The following SATB2 variants were observed in gnomAD, a reference collection of about 807,000 sequenced individuals.
The protein encoded by SATB2 is SATB homeobox 2, also known as DNA-binding protein SATB2.
SATB2 carries 1 observed loss-of-function variant against 73.4 expected under a neutral mutation model. That is an observed-to-expected ratio of 0.01 (90% CI 0.00 to 0.06). SATB2 has a LOEUF of 0.06. Ranked by LOEUF, SATB2 falls within the 10% of genes least tolerant of loss-of-function variation. The pLI is 1.00. For missense variants in SATB2, 459 were observed against 945.8 expected (o/e 0.49, Z 6.75); for synonymous variants, 397 against 367.0 (o/e 1.08, Z -0.93).
intron 3 of SATB2, among the ~76,000 whole-genome samples, chr2:199,418,756 T>C (rs966188948): frequency 6.6e-6 from 1 of 152,178 alleles, no homozygotes; most frequent in Non-Finnish European, 1.5e-5. Flanking sequence ...ATACAAGTCT[T>C]AGTTATATAG....
chr2:199,294,766 A>G (rs1266599038), intron 10 of SATB2, among the ~76,000 whole-genome samples: 1 of 152,262 alleles, frequency 6.6e-6, no homozygotes, highest in Non-Finnish European at 1.5e-5. Flanking sequence ...GCACTTATGC[A>G]GTACATGCTC....
At chr2:199,374,868 C>T (rs945688405) in intron 5 of SATB2, among the ~76,000 whole-genome samples, 14 of 150,580 alleles carry the variant, frequency 9.3e-5, no homozygotes, top group South Asian at 2.2e-4. Context: ...GGAGGCTGAG[C>T]GGGGAGAATT....
upstream of SATB2, among the ~76,000 whole-genome samples, chr2:199,465,479 A>T (rs921702158): frequency 1.3e-5 from 2 of 152,244 alleles, no homozygotes; most frequent in African/African-American, 4.8e-5. Flanking sequence ...AAAGACTTCT[A>T]TATGATAAAA....
chr2:199,309,027 TC>T, intron 9 of SATB2, 70 bp from the exon 10 acceptor site: 1 of 1,174,268 alleles, frequency 8.5e-7, no homozygotes, highest in Non-Finnish European at 1.3e-6. Flanking sequence ...TTGACTGCGG[TC>T]CAGTGCCATC....
chr2:199,365,619 G>C (rs1689260725), intron 6 of SATB2, among the ~76,000 whole-genome samples: 2 of 152,110 alleles, frequency 1.3e-5, no homozygotes, highest in Admixed American at 1.3e-4. Flanking sequence ...AAATAGTTTA[G>C]CTGAAATAAC....
chr2:199,276,947 AAATT>A (rs1692330410), intron 10 of SATB2, among the ~76,000 whole-genome samples: 1 of 152,224 alleles, frequency 6.6e-6, no homozygotes, highest in African/African-American at 2.4e-5. Context: ...ATCGATAAAT[AAATT>A]GTAGTATACT....
intron 5 of SATB2, among the ~76,000 whole-genome samples, chr2:199,375,554 T>C (rs1411217886): frequency 6.6e-6 from 1 of 152,232 alleles, no homozygotes; most frequent in African/African-American, 2.4e-5. Flanking sequence ...ACTGCTCTTT[T>C]GAACTTCAGA....
chr2:199,332,133 T>C (rs1315976307), intron 7 of SATB2, among the ~76,000 whole-genome samples: 2 of 152,166 alleles, frequency 1.3e-5, no homozygotes, highest in Non-Finnish European at 2.9e-5. Context: ...CTTATTAAAC[T>C]TTCATATCAG....
At chr2:199,332,617 T>C (rs12105988) in intron 7 of SATB2, among the ~76,000 whole-genome samples, 19,415 of 152,156 alleles carry the variant, frequency 0.13, 1,470 homozygotes, top group South Asian at 0.32. Flanking sequence ...TTAATGCCCT[T>C]ATTTTTTTCT....
intron 3 of SATB2, among the ~76,000 whole-genome samples, chr2:199,398,711 T>G (rs1690377953): frequency 6.6e-6 from 1 of 152,174 alleles, no homozygotes; most frequent in Non-Finnish European, 1.5e-5. Context: ...TTTAACCAAA[T>G]GTAAACTACT....
chr2:199,362,494 C>A (rs1689169014), intron 6 of SATB2, among the ~76,000 whole-genome samples: 1 of 151,990 alleles, frequency 6.6e-6, no homozygotes, highest in Admixed American at 6.6e-5. Flanking sequence ...AGGTTAAGGA[C>A]AACACAACCA....
intron 10 of SATB2, among the ~76,000 whole-genome samples, chr2:199,300,702 A>G (rs1343417262): frequency 1.3e-5 from 2 of 152,134 alleles, no homozygotes; most frequent in East Asian, 3.9e-4. Context: ...AAACCAAGAG[A>G]GTAAGGTGCA....
chr2:199,273,913 G>C (rs1361426086), intron 10 of SATB2, among the ~76,000 whole-genome samples: 1 of 152,188 alleles, frequency 6.6e-6, no homozygotes, highest in Non-Finnish European at 1.5e-5. Flanking sequence ...GATGGAACAT[G>C]AAGTCCTGAT....
At chr2:199,423,891 CT>C (rs1354777380) in intron 3 of SATB2, 2 of 152,176 alleles carry the variant, frequency 1.3e-5, no homozygotes, top group African/African-American at 2.4e-5. Context: ...ATCCTATTCT[CT>C]GATTTATAAA....
In SATB2 at chr2:199,328,770, C is replaced by T; in HGVS notation, c.1314G>A (p.Glu438=). 6.2e-7 allele frequency: 1 copy of T among 1,614,024 alleles called. No homozygotes were observed. Among genetic ancestry groups the T allele is most frequent in the Non-Finnish European group, 8.5e-7 (1 of 1,179,968 alleles). The change falls in exon 8 of 11, where the codon GAG becomes GAA. Residue 438 remains glutamate (E), a synonymous_variant. Coordinates refer to ENST00000417098, the MANE Select transcript of SATB2 (RefSeq NM_001172509.2). ...ERDRIYQDER[E]RSMNPNVSMV... ...TGCTCACATTGGGATTCATGCTCCG[C>T]TCCCTCTCATCCTGGTAGATGCGAT...
intron 6 of SATB2, among the ~76,000 whole-genome samples, chr2:199,354,019 T>C (rs1033746398): frequency 9.9e-5 from 15 of 152,118 alleles, no homozygotes; most frequent in Non-Finnish European, 1.8e-4. Flanking sequence ...CAACAGAAAA[T>C]ATTCTGATAA....
chr2:199,434,208 A>C (rs776170117), intron 2 of SATB2, among the ~76,000 whole-genome samples: 9 of 152,152 alleles, frequency 5.9e-5, no homozygotes, highest in Non-Finnish European at 1.2e-4. Flanking sequence ...CAAAATATGC[A>C]TCCAAATACA....
chr2:199,381,536 A>G (rs532413220), intron 4 of SATB2, among the ~76,000 whole-genome samples, 158 bp downstream of exon 4: 7 of 152,238 alleles, frequency 4.6e-5, no homozygotes, highest in African/African-American at 1.7e-4. Flanking sequence ...GGGAAGGGCC[A>G]CCCTTCTCCT....
chr2:199,409,464 C>G (rs1690744175), intron 3 of SATB2, among the ~76,000 whole-genome samples: 1 of 152,090 alleles, frequency 6.6e-6, no homozygotes, highest in Non-Finnish European at 1.5e-5. Context: ...GCCACTGCGC[C>G]CGGCCGCAAA....
Sources: allele counts gnomAD v4.1 joint callset (sites outside exome capture counted in the v4.1 genomes callset), GRCh38; gene constraint gnomAD v4.1.1; transcripts MANE v1.5; gene names NCBI Gene and HGNC (gene_info 2026-07-23, HGNC 2026-07-21).